Variants in FAM83B observed in about 807,000 individuals in gnomAD.
FAM83B encodes the protein scaffolding CK1 anchoring protein B.
Under a neutral mutation model 38.8 loss-of-function variants are expected in FAM83B, and 26 were observed. The observed-to-expected ratio is 0.67, with a 90% confidence interval of 0.49 to 0.93. The LOEUF is 0.93. Ranked by LOEUF, FAM83B falls within the 40% of genes least tolerant of loss-of-function variation. FAM83B has a pLI of 0.00. For missense variants in FAM83B, 1,237 were observed against 1,197.3 expected (o/e 1.03, Z -0.49); for synonymous variants, 419 against 423.1 (o/e 0.99, Z 0.12).
At chr6:54,871,433 G>T (rs1374871407) in intron 2 of FAM83B, among the ~76,000 whole-genome samples, 2 of 151,470 alleles carry the variant, frequency 1.3e-5, no homozygotes, top group Non-Finnish European at 2.9e-5. Flanking sequence ...AAATGTATGG[G>T]CAAGGCTGGG....
At chr6:54,861,713 C>T (rs1179258189) in intron 1 of FAM83B, among the ~76,000 whole-genome samples, 6 of 152,206 alleles carry the variant, frequency 3.9e-5, no homozygotes, top group South Asian at 4.1e-4. Context: ...TGTTTCCAGA[C>T]AGAAAGGTCC....
At chr6:54,866,889 T>C (rs964214269) in intron 1 of FAM83B, among the ~76,000 whole-genome samples, 1 of 152,160 alleles carries the variant, frequency 6.6e-6, no homozygotes, top group Non-Finnish European at 1.5e-5. Flanking sequence ...TTTTATGACT[T>C]ATTTTATATC....
At position 54,941,179 on chromosome 6, in the gene FAM83B, A is replaced by G; in HGVS notation, c.2208A>G (p.Lys736=). The change falls in exon 5 of 5, where the codon AAA becomes AAG. Residue 736 remains lysine, a synonymous_variant. Coordinates refer to ENST00000306858, the MANE Select transcript of FAM83B (RefSeq NM_001010872.3). ...KRNSPSGTTT[K]SVSIAALLDV... The stretch of plus-strand genomic sequence containing the variant: ...ACTCTCCAAGTGGCACTACTACCAA[A>G]TCAGTTTCCATTGCTGCTTTACTTG... 6.2e-7 allele frequency: 1 copy of G among 1,614,112 alleles called. No individual in the cohort carries two copies. The highest frequency in any genetic ancestry group is 1.1e-5 in the South Asian group (1 of 91,086).
intron 4 of FAM83B, 122 bp from the exon 5 acceptor site, chr6:54,939,584 C>G: frequency 1.1e-6 from 1 of 908,874 alleles, no homozygotes; most frequent in Non-Finnish European, 1.6e-6. Flanking sequence ...GGAAAATATT[C>G]TAAATAATGA....
At chr6:54,916,786 C>CT (rs887399756) in intron 2 of FAM83B, among the ~76,000 whole-genome samples, 1 of 152,160 alleles carries the variant, frequency 6.6e-6, no homozygotes, top group African/African-American at 2.4e-5. Flanking sequence ...GTATTTGTCT[C>CT]TTTGACTCTA....
At chr6:54,900,383 G>A (rs953337261) in intron 2 of FAM83B, among the ~76,000 whole-genome samples, 2 of 152,152 alleles carry the variant, frequency 1.3e-5, no homozygotes, top group African/African-American at 2.4e-5. Context: ...CAGGTGTAAT[G>A]TGAGCTTTTG....
At chr6:54,876,289 AT>A (rs1771992836) in intron 2 of FAM83B, among the ~76,000 whole-genome samples, 1 of 38,958 alleles carries the variant, frequency 2.6e-5, no homozygotes, top group Non-Finnish European at 5.1e-5. Flanking sequence ...ATATATATAT[AT>A]ATATATATAT....
chr6:54,873,059 C>T (rs1481853876), intron 2 of FAM83B, among the ~76,000 whole-genome samples: 1 of 150,312 alleles, frequency 6.7e-6, no homozygotes, highest in Non-Finnish European at 1.5e-5. Context: ...GACAAGGTTT[C>T]CCTATGTTAT....
At chr6:54,891,174 T>C (rs1201067690) in intron 2 of FAM83B, among the ~76,000 whole-genome samples, 2 of 152,112 alleles carry the variant, frequency 1.3e-5, no homozygotes, top group Non-Finnish European at 2.9e-5. Context: ...TAAAGGGCTC[T>C]ACTTCCTTAC....
At chr6:54,857,965 TA>T (rs769155537) in intron 1 of FAM83B, among the ~76,000 whole-genome samples, 1 of 152,154 alleles carries the variant, frequency 6.6e-6, no homozygotes, top group Non-Finnish European at 1.5e-5. Context: ...CTCAGGATGT[TA>T]GGTGTAAAGA....
chr6:54,865,457 T>C (rs1458073950), intron 1 of FAM83B, among the ~76,000 whole-genome samples: 1 of 152,178 alleles, frequency 6.6e-6, no homozygotes, highest in African/African-American at 2.4e-5. Flanking sequence ...AAAGACCCTA[T>C]TTCCATGTAA....
chr6:54,892,611 T>C (rs1772432209), intron 2 of FAM83B, among the ~76,000 whole-genome samples: 1 of 151,780 alleles, frequency 6.6e-6, no homozygotes, highest in Non-Finnish European at 1.5e-5. Context: ...ATTCTTATTA[T>C]GGCTGCCTCT....
At chr6:54,909,404 C>CT (rs1423643153) in intron 2 of FAM83B, among the ~76,000 whole-genome samples, 1 of 152,106 alleles carries the variant, frequency 6.6e-6, no homozygotes, top group East Asian at 1.9e-4. Flanking sequence ...CTTGCCATTA[C>CT]TTTCAGTGGT....
chr6:54,857,523 A>G (rs1055114435), intron 1 of FAM83B, among the ~76,000 whole-genome samples: 17 of 152,208 alleles, frequency 1.1e-4, no homozygotes, highest in Admixed American at 1.0e-3. Flanking sequence ...AGTAAGGGGT[A>G]GGTCGACAGA....
chr6:54,858,414 T>C (rs1771495958), intron 1 of FAM83B, among the ~76,000 whole-genome samples: 1 of 152,232 alleles, frequency 6.6e-6, no homozygotes, highest in Non-Finnish European at 1.5e-5. Flanking sequence ...GGATGACTTA[T>C]TGGATGAACT....
rs1355565418 is a variant in FAM83B, at chr6:54,883,228, C to T, written c.444+12538C>T. ...AAAGTGCTGGGATTACAGGCGTGAG[C>T]CACCATGCCTAGCCATTATTGTCAT... On this transcript the variant is annotated intron_variant, in intron 2 of 4. Coordinates refer to ENST00000306858, the MANE Select transcript of FAM83B (RefSeq NM_001010872.3). Among the ~76,000 whole-genome samples, 5 of 152,116 alleles carry T rather than the reference C, an allele frequency of 3.3e-5. No individual in the cohort carries two copies. The East Asian group carries it at 5.8e-4, about 18-fold the overall frequency.
intron 2 of FAM83B, among the ~76,000 whole-genome samples, chr6:54,879,841 G>A (rs1772084452): frequency 6.6e-6 from 1 of 152,094 alleles, no homozygotes; most frequent in Admixed American, 6.5e-5. Context: ...TTGGGATAAT[G>A]GTCAGCAACA....
intron 1 of FAM83B, among the ~76,000 whole-genome samples, chr6:54,862,293 G>T (rs1771603774): frequency 6.6e-6 from 1 of 152,210 alleles, no homozygotes; most frequent in African/African-American, 2.4e-5. Flanking sequence ...AGTCTGGGCT[G>T]AGCACAGTGG....
At chr6:54,931,587 C>G (rs751859292) in intron 4 of FAM83B, among the ~76,000 whole-genome samples, 3 of 151,838 alleles carry the variant, frequency 2.0e-5, no homozygotes, top group Non-Finnish European at 4.4e-5. Flanking sequence ...TAATTTAAAG[C>G]CTGTTTTTCC....
Sources: gnomAD v4.1 joint callset for allele counts (sites outside exome capture counted in the v4.1 genomes callset) on GRCh38, gnomAD v4.1.1 for gene constraint, MANE v1.5 for transcripts, NCBI Gene and HGNC (gene_info 2026-07-23, HGNC 2026-07-21) for gene names.